BEND7: variants seen among roughly 807,000 people sequenced by gnomAD.
BEND7 encodes the protein BEN domain containing 7.
In BEND7, 28 loss-of-function variants were observed where a neutral mutation model predicts 50.9. That is an observed-to-expected ratio of 0.55 (90% CI 0.41 to 0.75). The LOEUF (loss-of-function observed/expected upper bound fraction) is 0.75. Among genes scored for constraint, BEND7 ranks in the 30% least tolerant of loss-of-function variants. The pLI, the probability that BEND7 is intolerant of heterozygous loss-of-function variation, is 0.00. For synonymous variants in BEND7, 170 were observed against 183.9 expected, an observed-to-expected ratio of 0.92 and a Z score of 0.61; for missense variants, 477 against 491.3, an observed-to-expected ratio of 0.97 and a Z score of 0.28.
At chr10:13,465,943 T>G (rs772817871) in intron 6 of BEND7, among the ~76,000 whole-genome samples, 7 of 152,106 alleles carry the variant, frequency 4.6e-5, no homozygotes, top group Non-Finnish European at 1.0e-4. Context: ...ATTCTTTGTC[T>G]TCCTTCAGTT....
chr10:13,483,655 G>C (rs755415242), intron 5 of BEND7, among the ~76,000 whole-genome samples: 11 of 152,184 alleles, frequency 7.2e-5, no homozygotes, highest in Non-Finnish European at 1.2e-4. Context: ...TGACCCAGCT[G>C]TTTCAATACC....
At position 13,447,439 on chromosome 10, in the gene BEND7, GT is replaced by G. The variant is rs572289749; in HGVS notation, c.1184-124del. The G allele has an allele frequency of 2.4e-3, 1,946 of 805,086 alleles. 12 individuals carry two copies. Among genetic ancestry groups the G allele is most frequent in the Non-Finnish European group, 1.4e-3 (713 of 523,562 alleles). The allele number at this position is 805,086 out of a possible 1,614,324, so 49.9% of individuals were successfully genotyped here. A position where few individuals can be genotyped will look rare whatever the true frequency, so the allele number is the denominator to read the frequency against. On this transcript the variant is annotated intron_variant, in intron 7 of 8. Coordinates refer to ENST00000466271, the MANE Select transcript of BEND7 (RefSeq NM_001369863.1). The stretch of plus-strand genomic sequence containing the variant: ...ATAACTGTTTTCACCATTCTTTTCT[GT>G]TTTCAGCTACCGTTGGTTCATATTA...
rs563876711 is a variant in BEND7 at position 13,528,412 on chromosome 10, C to CCGCGGGCGGCCGAGGG, written c.61+45_61+60dup. 378 of 859,562 alleles carry CCGCGGGCGGCCGAGGG rather than the reference C, an allele frequency of 4.4e-4. 7 individuals carry two copies. In the East Asian group the frequency reaches 0.029, roughly 65 times the overall value. The allele number at this position is 859,562 out of a possible 1,614,324, so 53.2% of individuals were successfully genotyped here. On this transcript the variant is annotated intron_variant, in intron 1 of 8. Coordinates refer to ENST00000466271, the MANE Select transcript of BEND7 (RefSeq NM_001369863.1). ...AGGGCGCGCCCCCCAGCGTGGACCC[C>CCGCGGGCGGCCGAGGG]CGCGGGCGGCCGAGGGCGCGGCGCC...
intron 6 of BEND7, among the ~76,000 whole-genome samples, chr10:13,452,876 A>G (rs7089073): frequency 0.31 from 47,290 of 152,096 alleles, 8,618 homozygotes; most frequent in East Asian, 0.67. Context: ...GAAACTGGCG[A>G]TACTCACTAA....
At chr10:13,478,669 A>G (rs2075637194) in intron 6 of BEND7, among the ~76,000 whole-genome samples, 1 of 152,202 alleles carries the variant, frequency 6.6e-6, no homozygotes, top group Non-Finnish European at 1.5e-5. Context: ...TTGCATTTTA[A>G]AATAAATATT....
intron 6 of BEND7, among the ~76,000 whole-genome samples, chr10:13,456,138 AC>A (rs1389013556): frequency 6.6e-6 from 1 of 151,832 alleles, no homozygotes; most frequent in Non-Finnish European, 1.5e-5. Context: ...CCTATCCTTC[AC>A]CCCCCAAATC....
Position 13,492,654 on chromosome 10 carries a change from C to G in BEND7, c.794G>C (p.Arg265Pro). Residue 265 changes from arginine (R) to proline (P), a missense_variant, in exon 5 of 9, where the codon CGC becomes CCC. Around this residue, in one of 3 missense-constraint regions of BEND7, gnomAD observed 396 missense variants for 384.2 expected, o/e 1.03. Coordinates refer to ENST00000466271, the MANE Select transcript of BEND7 (RefSeq NM_001369863.1). Reference protein sequence around the residue: ...AAEHTSPEESRVLGFGIVLES... With the variant: ...AAEHTSPEESPVLGFGIVLES... ...CAGAACAATGCCGAATCCTAGAACG[C>G]GGCTCTCCTCCGGGGAGGTGTGCTC... 1 of 1,613,982 alleles carries G rather than the reference C, an allele frequency of 6.2e-7. No individual in the cohort carries two copies. The highest frequency in any genetic ancestry group is 8.5e-7 in the Non-Finnish European group (1 of 1,179,996).
intron 6 of BEND7, among the ~76,000 whole-genome samples, chr10:13,461,648 G>A (rs763341022): frequency 3.3e-5 from 5 of 151,926 alleles, no homozygotes; most frequent in Non-Finnish European, 5.9e-5. Flanking sequence ...CAGGAAAATC[G>A]CTTGAACCTG....
upstream of BEND7, among the ~76,000 whole-genome samples, chr10:13,529,159 C>T (rs1228109291): frequency 6.9e-6 from 1 of 144,344 alleles, no homozygotes; most frequent in African/African-American, 2.5e-5. Context: ...CCTGGCCGCG[C>T]GGCGCCCCGA....
intron 5 of BEND7, among the ~76,000 whole-genome samples, chr10:13,486,154 CA>C (rs1235480503): frequency 6.6e-6 from 1 of 152,198 alleles, no homozygotes; most frequent in Non-Finnish European, 1.5e-5. Flanking sequence ...GCTGAGATTA[CA>C]GGCATGTGCT....
chr10:13,529,596 A>T (rs1403794864), upstream of BEND7, among the ~76,000 whole-genome samples: 1 of 151,854 alleles, frequency 6.6e-6, no homozygotes, highest in African/African-American at 2.4e-5. Context: ...GGCCCTGGGG[A>T]CTCTCAGGAG....
intron 8 of BEND7, chr10:13,446,239 G>A (rs560839359): frequency 2.0e-5 from 3 of 152,268 alleles, no homozygotes; most frequent in African/African-American, 7.2e-5. Context: ...TCTCTTACAC[G>A]GCTGAATTTT....
intron 2 of BEND7, among the ~76,000 whole-genome samples, chr10:13,518,030 G>C (rs2078819787): frequency 6.6e-6 from 1 of 152,170 alleles, no homozygotes; most frequent in South Asian, 2.1e-4. Flanking sequence ...CTGTATAGAT[G>C]GCCATATGAT....
chr10:13,470,398 T>C (rs2074695087), intron 6 of BEND7, among the ~76,000 whole-genome samples: 1 of 152,210 alleles, frequency 6.6e-6, no homozygotes, highest in African/African-American at 2.4e-5. Flanking sequence ...CAGAAACATA[T>C]CTCTTTTGAC....
At chr10:13,441,772 T>C (rs1302155791) in intron 8 of BEND7, 22 bp from the exon 9 acceptor site, 4 of 1,612,152 alleles carry the variant, frequency 2.5e-6, no homozygotes, top group African/African-American at 2.7e-5. Flanking sequence ...AAAGGGACTG[T>C]TGTCAGGAAC....
intron 2 of BEND7, chr10:13,500,779 A>C (rs2077384928): frequency 8.1e-6 from 8 of 985,264 alleles, no homozygotes; most frequent in Non-Finnish European, 8.4e-6. Flanking sequence ...CCATCACATC[A>C]GCCTGGTGAT....
chr10:13,518,916 T>C (rs1375476145), intron 2 of BEND7, among the ~76,000 whole-genome samples: 1 of 152,228 alleles, frequency 6.6e-6, no homozygotes, highest in African/African-American at 2.4e-5. Context: ...TACAGCATTG[T>C]GCTAGGTTCT....
intron 5 of BEND7, among the ~76,000 whole-genome samples, chr10:13,490,498 C>A (rs1004367328): frequency 1.3e-5 from 2 of 152,356 alleles, no homozygotes; most frequent in African/African-American, 4.8e-5. Flanking sequence ...TCTCTCCATG[C>A]TCTCCTCTCC....
chr10:13,469,795 G>C (rs1396331130), intron 6 of BEND7, among the ~76,000 whole-genome samples: 1 of 152,130 alleles, frequency 6.6e-6, no homozygotes, highest in Non-Finnish European at 1.5e-5. Flanking sequence ...AATTTTTAAG[G>C]GGTTTTCTTA....
Sources: allele counts gnomAD v4.1 joint callset (sites outside exome capture counted in the v4.1 genomes callset), GRCh38; gene constraint gnomAD v4.1.1; regional missense constraint gnomAD v4.1.1; transcripts MANE v1.5; gene names NCBI Gene and HGNC (gene_info 2026-07-23, HGNC 2026-07-21).